Variants in TOX3 observed in about 807,000 individuals in gnomAD.
The protein encoded by TOX3 is TOX high mobility group box family member 3.
Under a neutral mutation model 64.3 loss-of-function variants are expected in TOX3, and 22 were observed. The ratio of observed to expected loss-of-function variants is 0.34; its 90% confidence interval spans 0.24 to 0.49. TOX3 has a LOEUF of 0.49. Among genes scored for constraint, TOX3 ranks in the 20% least tolerant of loss-of-function variants. The probability of loss-of-function intolerance (pLI) is 0.99; values close to 1 mark genes in which losing one functional copy is unlikely to be tolerated. For synonymous variants in TOX3, 291 were observed against 273.6 expected, an observed-to-expected ratio of 1.06 and a Z score of -0.63; for missense variants, 661 against 714.4, an observed-to-expected ratio of 0.93 and a Z score of 0.85.
At chr16:52,485,393 A>T (rs946080351) in intron 1 of TOX3, among the ~76,000 whole-genome samples, 3 of 151,832 alleles carry the variant, frequency 2.0e-5, no homozygotes, top group Non-Finnish European at 4.4e-5. Flanking sequence ...ACAGAAAACC[A>T]AATACCACAT....
At chr16:52,493,605 C>A (rs374880220) in intron 1 of TOX3, among the ~76,000 whole-genome samples, 6 of 152,108 alleles carry the variant, frequency 3.9e-5, no homozygotes, top group African/African-American at 1.2e-4. Context: ...TTCTCCCTAG[C>A]CCCTTTTTTC....
chr16:52,491,817 T>A (rs1319160797), intron 1 of TOX3, among the ~76,000 whole-genome samples: 2 of 152,182 alleles, frequency 1.3e-5, no homozygotes, highest in African/African-American at 4.8e-5. Context: ...TGAAGCAGAA[T>A]TCCTTTGGTT....
rs376306249 is a variant in TOX3, at chr16:52,439,471, C to A, written c.1485G>T (p.Gln495His). 4 of 1,342,630 alleles carry A rather than the reference C, an allele frequency of 3.0e-6. No individual in the cohort carries two copies. In the African/African-American group the frequency reaches 5.8e-5, roughly 20 times the overall value. The allele number at this position is 1,342,630 out of a possible 1,614,324, so 83.2% of individuals were successfully genotyped here. A position where few individuals can be genotyped will look rare whatever the true frequency, so the allele number is the denominator to read the frequency against. Reference protein sequence around the residue: ...HMQQHLQQQQQHLQQQINQQQ... With the variant: ...HMQQHLQQQQHHLQQQINQQQ... The stretch of plus-strand genomic sequence containing the variant: ...GTTGATTAATTTGCTGCTGGAGATG[C>A]TGCTGCTGCTGCTGCAGGTGCTGCT... The change falls in exon 7 of 7, where the codon CAG (glutamine) becomes CAT (histidine). Residue 495 changes from glutamine (Q) to histidine (H), a missense_variant. Physicochemically the swap from Gln to His is conservative, Grantham distance 24. Around this residue, in one of 3 missense-constraint regions of TOX3, gnomAD observed 299 missense variants for 292.1 expected, o/e 1.02. Transcript: ENST00000219746.
At chr16:52,543,286 A>G (rs1294789893) in intron 1 of TOX3, among the ~76,000 whole-genome samples, 2 of 152,180 alleles carry the variant, frequency 1.3e-5, no homozygotes, top group African/African-American at 4.8e-5. Context: ...TATTTGCATT[A>G]TACTTACCAG....
chr16:52,441,056 C>T (rs113555576), intron 6 of TOX3, among the ~76,000 whole-genome samples: 1,742 of 152,248 alleles, frequency 0.011, 14 homozygotes, highest in Non-Finnish European at 0.016. Context: ...GCCACTACCC[C>T]TGGCCAGGTT....
chr16:52,439,332 A>T lies in TOX3; in HGVS notation c.1624T>A (p.Ser542Thr), dbSNP rs756001275. 2.8e-5 allele frequency: 45 copies of T among 1,612,860 alleles called. 1 individual carries two copies. The African/African-American group carries it at 5.5e-4, about 20-fold the overall frequency. Residue 542 changes from serine to threonine, a missense_variant, in exon 7 of 7, where the codon TCC becomes ACC. Physicochemically the swap from Ser to Thr is moderately conservative, Grantham distance 58. Coordinates refer to ENST00000219746, the MANE Select transcript of TOX3 (RefSeq NM_001080430.4). ...QHSPVASQIT[S>T]PIPAIGSPQP... ...GGGCTCCCGATGGCAGGGATGGGGG[A>T]TGTTATCTGAGAGGCGACAGGGGAG...
intron 1 of TOX3, among the ~76,000 whole-genome samples, chr16:52,544,859 G>A (rs1567359676): frequency 1.3e-5 from 2 of 152,178 alleles, no homozygotes; most frequent in Admixed American, 1.3e-4. Flanking sequence ...TGCAGTGACT[G>A]CATTTGTACA....
Position 52,478,488 on chromosome 16 carries a change from A to G in TOX3, c.88-9914T>C, listed in dbSNP as rs550588522. Among the ~76,000 whole-genome samples, 16 of 152,262 alleles carry G rather than the reference A, an allele frequency of 1.1e-4. 1 individual carries two copies. The South Asian group carries it at 3.1e-3, about 30-fold the overall frequency. On this transcript the variant is annotated intron_variant, in intron 1 of 6. Transcript: ENST00000219746. ...TGCCCATTCTCTTCCTTTATATCTC[A>G]TCAGAGATACAAAGTCACTCATCAC...
chr16:52,471,016 T>C (rs749562208), intron 1 of TOX3, among the ~76,000 whole-genome samples: 7 of 152,194 alleles, frequency 4.6e-5, no homozygotes, highest in African/African-American at 7.2e-5. Flanking sequence ...GTCTTTCTCC[T>C]GCATAGGTAC....
At chr16:52,445,427 G>C (rs1960135588) in intron 5 of TOX3, 1 of 152,260 alleles carries the variant, frequency 6.6e-6, no homozygotes. Flanking sequence ...GAGTTGCAAG[G>C]GGAAGGAGAG....
chr16:52,465,613 T>G (rs946859003), intron 2 of TOX3, among the ~76,000 whole-genome samples: 2 of 151,918 alleles, frequency 1.3e-5, no homozygotes, highest in Non-Finnish European at 2.9e-5. Context: ...AATTTGAGTC[T>G]GCTATTATCA....
Position 52,453,028 on chromosome 16 carries a change from T to A in TOX3, c.409-2482A>T, listed in dbSNP as rs79721595. Among the ~76,000 whole-genome samples the A allele has an allele frequency of 4.6e-3, 704 of 152,316 alleles. 6 individuals are homozygous for A. The highest frequency in any genetic ancestry group is 0.016 in the African/African-American group (663 of 41,560). On this transcript the variant is annotated intron_variant, in intron 3 of 6. Transcript: ENST00000219746. Reference sequence around the variant, plus strand: ...TTTTTTATTGGAATTCTACCACATTTGCTCATTTCTCCTAGAAAATCTGAG... The same window carrying A: ...TTTTTTATTGGAATTCTACCACATTAGCTCATTTCTCCTAGAAAATCTGAG...
At chr16:52,512,735 T>C (rs1354140869) in intron 1 of TOX3, among the ~76,000 whole-genome samples, 1 of 152,080 alleles carries the variant, frequency 6.6e-6, no homozygotes, top group Non-Finnish European at 1.5e-5. Flanking sequence ...GAGCTGGCAT[T>C]ACAAAGAGCT....
At chr16:52,481,574 ATC>A (rs1961369530) in intron 1 of TOX3, among the ~76,000 whole-genome samples, 1 of 152,218 alleles carries the variant, frequency 6.6e-6, no homozygotes, top group Non-Finnish European at 1.5e-5. Flanking sequence ...ACAAGATTAC[ATC>A]TGAGGTCTAT....
At chr16:52,514,130 C>T (rs1476020184) in intron 1 of TOX3, among the ~76,000 whole-genome samples, 1 of 152,158 alleles carries the variant, frequency 6.6e-6, no homozygotes, top group Non-Finnish European at 1.5e-5. Context: ...TGGCAATGAA[C>T]TTGAGGTAGG....
Position 52,492,082 on chromosome 16 carries a change from G to T in TOX3, c.88-23508C>A, listed in dbSNP as rs188927619. On this transcript the variant is annotated intron_variant, in intron 1 of 6. Coordinates refer to ENST00000219746, the MANE Select transcript of TOX3 (RefSeq NM_001080430.4). ...GAAGCATTCCTCTTCAGTTGTTCCT[G>T]TCTTTGTAAGTGAAATCTATTTCTC... Among the ~76,000 whole-genome samples, 127 of 152,040 alleles carry T rather than the reference G, an allele frequency of 8.4e-4. 1 individual carries two copies. Among genetic ancestry groups the T allele is most frequent in the African/African-American group, 2.9e-3 (119 of 41,500 alleles).
chr16:52,483,631 C>T (rs542543286), intron 1 of TOX3, among the ~76,000 whole-genome samples: 162 of 139,054 alleles, frequency 1.2e-3, no homozygotes, highest in African/African-American at 4.0e-3. Context: ...TGCAGTGGCG[C>T]GATCACGGCT....
chr16:52,476,603 G>T (rs562378167), intron 1 of TOX3, among the ~76,000 whole-genome samples: 1 of 151,862 alleles, frequency 6.6e-6, no homozygotes, highest in African/African-American at 2.4e-5. Flanking sequence ...CTGATCTCTG[G>T]TTCTCTTCGA....
intron 1 of TOX3, among the ~76,000 whole-genome samples, chr16:52,497,431 T>C (rs1371076366): frequency 6.6e-6 from 1 of 152,238 alleles, no homozygotes; most frequent in East Asian, 1.9e-4. Flanking sequence ...TATTGTCTAA[T>C]TTAAATCTTG....
Sources: allele counts gnomAD v4.1 joint callset (sites outside exome capture counted in the v4.1 genomes callset), GRCh38; gene constraint gnomAD v4.1.1; regional missense constraint gnomAD v4.1.1; transcripts MANE v1.5; gene names NCBI Gene and HGNC (gene_info 2026-07-23, HGNC 2026-07-21).